The following RIMS1 variants were observed in gnomAD, a reference collection of about 807,000 sequenced individuals.
RIMS1 encodes the protein regulating synaptic membrane exocytosis protein 1.
RIMS1 carries 83 observed loss-of-function variants against 214.1 expected under a neutral mutation model. The ratio of observed to expected loss-of-function variants is 0.39; its 90% CI spans 0.32 to 0.47. The LOEUF is 0.47. RIMS1 is among the 20% of genes least tolerant of loss of function. RIMS1 has a pLI of 0.99. For synonymous variants in RIMS1, 793 were observed against 786.8 expected, an observed-to-expected ratio of 1.01 and a Z score of -0.13; for missense variants, 2,050 against 2,161.8, an observed-to-expected ratio of 0.95 and a Z score of 1.03.
chr6:72,144,626 A>T (rs566816617), intron 4 of RIMS1, among the ~76,000 whole-genome samples: 1 of 152,224 alleles, frequency 6.6e-6, no homozygotes, highest in South Asian at 2.1e-4. Context: ...TTTCCAAAAA[A>T]AAAAAGAAGC....
At chr6:72,098,681 A>G (rs1288634793) in intron 3 of RIMS1, among the ~76,000 whole-genome samples, 2 of 152,210 alleles carry the variant, frequency 1.3e-5, no homozygotes, top group African/African-American at 2.4e-5. Context: ...TTCTTTACCT[A>G]TGAAGACTGG....
intron 6 of RIMS1, among the ~76,000 whole-genome samples, chr6:72,202,158 C>T (rs1413824914): frequency 6.6e-6 from 1 of 152,142 alleles, no homozygotes; most frequent in Non-Finnish European, 1.5e-5. Context: ...TTCCAGTAAA[C>T]CCTTCTGAGG....
intron 15 of RIMS1, 76 bp downstream of exon 15, chr6:72,251,444 G>A: frequency 8.5e-7 from 1 of 1,171,820 alleles, no homozygotes; most frequent in Non-Finnish European, 1.2e-6. Flanking sequence ...AATTCAAGAT[G>A]TTTTTTTTAA....
chr6:72,304,799 AT>A (rs1342660797), intron 26 of RIMS1, among the ~76,000 whole-genome samples: 1 of 151,972 alleles, frequency 6.6e-6, no homozygotes, highest in Admixed American at 6.6e-5. Context: ...TTATGTAATT[AT>A]TTGGCTTTTT....
intron 2 of RIMS1, among the ~76,000 whole-genome samples, chr6:72,025,861 A>T (rs1369971470): frequency 6.6e-6 from 1 of 152,230 alleles, no homozygotes; most frequent in African/African-American, 2.4e-5. Context: ...GTGCTGGAAG[A>T]TTCGCTTCCA....
chr6:72,176,672 G>A (rs2047751427), intron 4 of RIMS1, among the ~76,000 whole-genome samples: 1 of 152,000 alleles, frequency 6.6e-6, no homozygotes, highest in African/African-American at 2.4e-5. Context: ...ATGTTGTGGT[G>A]TACAAGGAAA....
intron 1 of RIMS1, among the ~76,000 whole-genome samples, chr6:71,892,391 C>T (rs144318846): frequency 2.8e-3 from 419 of 152,278 alleles, no homozygotes; most frequent in African/African-American, 9.8e-3. Flanking sequence ...ATCTTCCTGA[C>T]CCTTTGCTCA....
At chr6:72,110,934 T>G (rs901632363) in intron 4 of RIMS1, among the ~76,000 whole-genome samples, 3 of 152,170 alleles carry the variant, frequency 2.0e-5, no homozygotes, top group Admixed American at 2.0e-4. Flanking sequence ...CTAAGATGAA[T>G]TAGTGGATAT....
At chr6:72,258,919 TTAGTC>T (rs2076918043) in intron 17 of RIMS1, 62 bp from the exon 18 acceptor site, 2 of 1,485,046 alleles carry the variant, frequency 1.3e-6, no homozygotes, top group South Asian at 1.1e-5. Context: ...TTCCTTCACT[TTAGTC>T]TGTCTGCCTG....
intron 2 of RIMS1, among the ~76,000 whole-genome samples, chr6:72,000,908 A>AT (rs552476205): frequency 2.0e-5 from 3 of 151,340 alleles, no homozygotes; most frequent in South Asian, 4.2e-4. Context: ...CACTTCTCAA[A>AT]TTTTTTTTTA....
intron 2 of RIMS1, among the ~76,000 whole-genome samples, chr6:72,092,291 C>CCTTCCTTCCTTCCTT (rs1554220984): frequency 5.9e-4 from 64 of 108,012 alleles, no homozygotes; most frequent in Non-Finnish European, 1.0e-3. Context: ...CTCCCTCCCT[C>CCTTCCTTCCTTCCTT]CCTTCCTTCC....
At chr6:72,376,636 C>A (rs1283682063) in intron 29 of RIMS1, among the ~76,000 whole-genome samples, 1 of 151,776 alleles carries the variant, frequency 6.6e-6, no homozygotes, top group African/African-American at 2.4e-5. Context: ...AGTCCCAGCT[C>A]CTTGGGAGAC....
Position 72,182,512 on chromosome 6 carries a change from AGAG to A in RIMS1, c.1047_1049del (p.Glu349del), listed in dbSNP as rs2048527408. 24 of 1,592,594 alleles carry A rather than the reference AGAG, an allele frequency of 1.5e-5. No homozygotes were observed. Among genetic ancestry groups the A allele is most frequent in the Non-Finnish European group, 2.0e-5 (23 of 1,169,498 alleles). ...CGGCGGATGAGGAAAAGCAAAGAAAAGAGGAGGATTATCAGACCAGGTACCGCA... is the reference window on the plus strand; with the variant it reads ...CGGCGGATGAGGAAAAGCAAAGAAAAGAGGATTATCAGACCAGGTACCGCA... On this transcript the variant is annotated inframe_deletion, in exon 6 of 34. Coordinates refer to ENST00000521978, the MANE Select transcript of RIMS1 (RefSeq NM_014989.7).
chr6:72,267,636 A>G (rs982549661), intron 22 of RIMS1, among the ~76,000 whole-genome samples: 2 of 152,122 alleles, frequency 1.3e-5, no homozygotes, highest in African/African-American at 4.8e-5. Flanking sequence ...TAACCACATT[A>G]CGGTGCTCAT....
chr6:72,331,862 G>A (rs1217327503), intron 28 of RIMS1, among the ~76,000 whole-genome samples: 2 of 151,840 alleles, frequency 1.3e-5, no homozygotes, highest in African/African-American at 4.8e-5. Flanking sequence ...GAATTTTGAT[G>A]TGGACAAGTT....
chr6:72,395,574 G>A (rs1239765740), intron 31 of RIMS1, among the ~76,000 whole-genome samples: 1 of 151,984 alleles, frequency 6.6e-6, no homozygotes, highest in East Asian at 1.9e-4. Context: ...GGAGGACAGA[G>A]CCATAAGAAA....
At position 72,138,092 on chromosome 6, in the gene RIMS1, A is replaced by G. The variant is rs191908119; in HGVS notation, c.471+38106A>G. On this transcript the variant is annotated intron_variant, in intron 4 of 33. Coordinates refer to ENST00000521978, the MANE Select transcript of RIMS1 (RefSeq NM_014989.7). ...TGTGAGTCTGTGTGTGTGTGTGTGT[A>G]TGTATATGTGTATAGACGGTTCAAA... 5.9e-4 allele frequency among the ~76,000 whole-genome samples: 89 copies of G among 151,836 alleles called. 2 individuals are homozygous for G. In the East Asian group the frequency reaches 9.7e-3, roughly 16 times the overall value.
At chr6:72,379,614 C>CTT (rs34701966) in intron 29 of RIMS1, among the ~76,000 whole-genome samples, 1 of 152,208 alleles carries the variant, frequency 6.6e-6, no homozygotes, top group African/African-American at 2.4e-5. Context: ...GTGCAGAATA[C>CTT]TTTGAGATCT....
In RIMS1 at chr6:72,064,895, G is replaced by A. The variant is rs190756125; in HGVS notation, c.246-32054G>A. On this transcript the variant is annotated intron_variant, in intron 2 of 33. Coordinates refer to ENST00000521978, the MANE Select transcript of RIMS1 (RefSeq NM_014989.7). ...CTGCATTTTGTTCCTGTTTTTTCTA[G>A]TGTATGCCTTTTGCAGGCATGCGTT... Among the ~76,000 whole-genome samples the A allele has an allele frequency of 4.1e-3, 626 of 152,286 alleles. 4 individuals are homozygous for A. The highest frequency in any genetic ancestry group is 5.5e-3 in the Non-Finnish European group (373 of 68,014).
Sources: gnomAD v4.1 joint callset for allele counts (sites outside exome capture counted in the v4.1 genomes callset) on GRCh38, gnomAD v4.1.1 for gene constraint, MANE v1.5 for transcripts, NCBI Gene and HGNC (gene_info 2026-07-23, HGNC 2026-07-21) for gene names.